Variants in MCTP2 observed in about 807,000 individuals in gnomAD.
MCTP2 encodes multiple C2 and transmembrane domain containing 2.
In MCTP2, 132 loss-of-function variants were observed where a neutral mutation model predicts 111.6. That is an observed-to-expected ratio of 1.18 (90% CI 1.03 to 1.37). The LOEUF is 1.37. Ranked by LOEUF, MCTP2 falls within the 40% of genes most tolerant of loss-of-function variation. The pLI is 0.00. For missense variants in MCTP2, 1,183 were observed against 1,067.9 expected, an observed-to-expected ratio of 1.11 and a Z score of -1.50; for synonymous variants, 395 against 387.7, an observed-to-expected ratio of 1.02 and a Z score of -0.22.
chr15:94,446,491 T>C (rs1018283193), intron 19 of MCTP2, among the ~76,000 whole-genome samples: 7 of 152,254 alleles, frequency 4.6e-5, no homozygotes, highest in Admixed American at 1.3e-4. Flanking sequence ...AGGTCAGTAA[T>C]TGAAGCATGA....
rs747321517 is a variant in MCTP2 at position 94,440,139 on chromosome 15, T to C, written c.2086-37T>C. On this transcript the variant is annotated intron_variant, in intron 17 of 22. Transcript: ENST00000357742. ...ATTTGATTGCTCCCCTAGTGTTTTA[T>C]CAAGCAGTCGTGTATTCTTATTTGT... The C allele has an allele frequency of 1.9e-5, 31 of 1,609,060 alleles. No homozygotes were observed. In the Admixed American group the frequency reaches 2.5e-4, roughly 13 times the overall value.
rs552651507 is a variant in MCTP2 at position 94,412,392 on chromosome 15, G to A, written c.2085+10373G>A. On this transcript the variant is annotated intron_variant, in intron 17 of 22. Transcript: ENST00000357742. ...ATTCAGAGTGGTAACATGCCGTAGG[G>A]AGATGTAAATCTGTATTGCTACCTC... 2.6e-5 allele frequency among the ~76,000 whole-genome samples: 4 copies of A among 152,120 alleles called. No homozygotes were observed. In the East Asian group the frequency reaches 5.8e-4, roughly 22 times the overall value.
chr15:94,400,622 G>C (rs75738952), intron 16 of MCTP2, among the ~76,000 whole-genome samples: 1 of 127,956 alleles, frequency 7.8e-6, no homozygotes. Context: ...TTTTTTTTCC[G>C]TGACCTTTAC....
intron 1 of MCTP2, among the ~76,000 whole-genome samples, chr15:94,232,701 G>T (rs543657506): frequency 1.4e-4 from 22 of 152,144 alleles, no homozygotes; most frequent in Admixed American, 3.3e-4. Flanking sequence ...TGGGTGTTTA[G>T]AACGAGACCA....
At chr15:94,395,393 GT>G (rs2081231009) in intron 14 of MCTP2, among the ~76,000 whole-genome samples, 1 of 152,156 alleles carries the variant, frequency 6.6e-6, no homozygotes, top group Non-Finnish European at 1.5e-5. Context: ...TCTTAAGTGT[GT>G]ATCTTTCCTC....
chr15:94,444,544 A>G (rs1249126253), intron 19 of MCTP2, among the ~76,000 whole-genome samples: 2 of 152,112 alleles, frequency 1.3e-5, no homozygotes, highest in Admixed American at 6.5e-5. Flanking sequence ...CATTAGCAGA[A>G]AGTCAGGTGT....
At chr15:94,245,640 A>G (rs901798679) in intron 1 of MCTP2, among the ~76,000 whole-genome samples, 3 of 146,418 alleles carry the variant, frequency 2.0e-5, no homozygotes, top group South Asian at 4.2e-4. Flanking sequence ...ATATACTTAT[A>G]CATATACATA....
At chr15:94,281,195 A>C (rs1180415904) in intron 1 of MCTP2, among the ~76,000 whole-genome samples, 2 of 152,134 alleles carry the variant, frequency 1.3e-5, no homozygotes, top group Non-Finnish European at 2.9e-5. Flanking sequence ...TATTGTGTGG[A>C]TATCTAATTC....
At chr15:94,353,424 A>C (rs1294397747) in intron 8 of MCTP2, among the ~76,000 whole-genome samples, 1 of 152,132 alleles carries the variant, frequency 6.6e-6, no homozygotes, top group Non-Finnish European at 1.5e-5. Context: ...GAGCTCATAG[A>C]GCTAAGTGGA....
intron 17 of MCTP2, among the ~76,000 whole-genome samples, chr15:94,428,741 T>C (rs1421394944): frequency 6.6e-6 from 1 of 152,174 alleles, no homozygotes; most frequent in East Asian, 1.9e-4. Context: ...TCTCTCAATT[T>C]ACTAATTTTC....
At chr15:94,443,140 A>G in intron 19 of MCTP2, among the ~76,000 whole-genome samples, 180 bp downstream of exon 19, 1 of 151,866 alleles carries the variant, frequency 6.6e-6, no homozygotes, top group East Asian at 1.9e-4. Flanking sequence ...ATTTTTAAAA[A>G]TGAGGTTGAG....
At chr15:94,344,154 T>TG (rs1421122325) in intron 7 of MCTP2, 8 of 152,104 alleles carry the variant, frequency 5.3e-5, no homozygotes, top group African/African-American at 1.7e-4. Flanking sequence ...CCAATATCAC[T>TG]GGGGGACATG....
At chr15:94,373,140 C>A (rs1448553760) in intron 12 of MCTP2, among the ~76,000 whole-genome samples, 1 of 152,090 alleles carries the variant, frequency 6.6e-6, no homozygotes, top group Non-Finnish European at 1.5e-5. Context: ...ATTTTAAAGA[C>A]GTCCACCTCT....
intron 17 of MCTP2, among the ~76,000 whole-genome samples, chr15:94,423,080 G>A (rs1016383823): frequency 2.0e-5 from 3 of 152,150 alleles, no homozygotes; most frequent in Non-Finnish European, 4.4e-5. Flanking sequence ...TCTTCTAATT[G>A]AACCAATGAA....
At chr15:94,446,396 G>C (rs1043502561) in intron 19 of MCTP2, among the ~76,000 whole-genome samples, 11 of 152,160 alleles carry the variant, frequency 7.2e-5, no homozygotes, top group African/African-American at 2.4e-4. Flanking sequence ...ATTTGTATTA[G>C]ATTCCATATG....
chr15:94,430,608 C>T (rs915547842), intron 17 of MCTP2, among the ~76,000 whole-genome samples: 2 of 145,590 alleles, frequency 1.4e-5, no homozygotes, highest in Non-Finnish European at 3.0e-5. Context: ...ATTAGCTGGG[C>T]GTCGTGGTGG....
At chr15:94,343,203 G>A (rs2152407622) in intron 7 of MCTP2, 1 of 152,128 alleles carries the variant, frequency 6.6e-6, no homozygotes, top group Non-Finnish European at 1.5e-5. Context: ...TCAGCTAACA[G>A]TGCATATTGG....
At chr15:94,380,498 TG>T (rs2080071971) in intron 12 of MCTP2, among the ~76,000 whole-genome samples, 1 of 152,192 alleles carries the variant, frequency 6.6e-6, no homozygotes, top group Non-Finnish European at 1.5e-5. Context: ...CTGGGCATGG[TG>T]GCTCATGCCT....
At chr15:94,274,006 A>C (rs1342652099) in intron 1 of MCTP2, 1 of 212,128 alleles carries the variant, frequency 4.7e-6, no homozygotes, top group Non-Finnish European at 1.1e-5. Flanking sequence ...GCAGGAATGA[A>C]TATAACTTGT....
Sources: allele counts gnomAD v4.1 joint callset (sites outside exome capture counted in the v4.1 genomes callset), GRCh38; gene constraint gnomAD v4.1.1; transcripts MANE v1.5; gene names NCBI Gene and HGNC (gene_info 2026-07-23, HGNC 2026-07-21).